Variants in ZMAT4 observed in about 807,000 individuals in gnomAD.
ZMAT4 encodes the protein zinc finger matrin-type 4.
ZMAT4 carries 17 observed loss-of-function variants against 28.7 expected under a neutral mutation model. That is an observed-to-expected ratio of 0.59 (90% confidence interval 0.41 to 0.89). ZMAT4 has a LOEUF of 0.89. Among genes scored for constraint, ZMAT4 ranks in the 40% least tolerant of loss-of-function variants. The pLI is 0.00. For synonymous variants in ZMAT4, 117 were observed against 109.2 expected, an observed-to-expected ratio of 1.07 and a Z score of -0.44; for missense variants, 240 against 283.8, an observed-to-expected ratio of 0.85 and a Z score of 1.11.
At chr8:40,770,630 C>A (rs571573727) in intron 2 of ZMAT4, among the ~76,000 whole-genome samples, 2 of 149,316 alleles carry the variant, frequency 1.3e-5, no homozygotes, top group Non-Finnish European at 3.0e-5. Flanking sequence ...TCACTGCAAC[C>A]TCCACCTCCC....
At chr8:40,579,065 A>G (rs1332752663) in intron 6 of ZMAT4, among the ~76,000 whole-genome samples, 1 of 152,198 alleles carries the variant, frequency 6.6e-6, no homozygotes, top group Non-Finnish European at 1.5e-5. Context: ...CAATAATATT[A>G]ATATTTATCT....
chr8:40,738,471 G>A (rs1189726054), intron 3 of ZMAT4, among the ~76,000 whole-genome samples: 1 of 152,182 alleles, frequency 6.6e-6, no homozygotes, highest in Non-Finnish European at 1.5e-5. Flanking sequence ...ACAGCTTACA[G>A]CAAAAGGAGA....
At chr8:40,581,449 T>A (rs1224452701) in intron 5 of ZMAT4, among the ~76,000 whole-genome samples, 188 bp from the exon 6 acceptor site, 4 of 152,208 alleles carry the variant, frequency 2.6e-5, no homozygotes, top group Admixed American at 2.6e-4. Flanking sequence ...TATGAATATG[T>A]TAGAAGCAGC....
chr8:40,852,088 G>A (rs1208835920), intron 1 of ZMAT4, among the ~76,000 whole-genome samples: 4 of 151,970 alleles, frequency 2.6e-5, no homozygotes, highest in African/African-American at 9.7e-5. Context: ...GTTTCATCAT[G>A]TTGGCCAGGC....
In ZMAT4 at chr8:40,674,914, G is replaced by A. The variant is rs772654992; in HGVS notation, c.367C>T (p.Leu123Phe). ...GCAGTGTCCATCCGTGGGGGCTTAA[G>A]TGGGCTCAGGGGTGTTGCTGTGAAA... is the stretch of plus-strand genomic sequence containing the variant. ...LKTTATPLSP[L>F]KPPRMDTAPV... is the part of the protein sequence containing the mutation. The change falls in exon 5 of 7, where the codon CTT becomes TTT. Residue 123 changes from leucine to phenylalanine, a missense_variant. Coordinates refer to ENST00000297737, the MANE Select transcript of ZMAT4 (RefSeq NM_024645.3). 2 of 1,613,012 alleles carry A rather than the reference G, an allele frequency of 1.2e-6. No individual in the cohort carries two copies. Among genetic ancestry groups the A allele is most frequent in the African/African-American group, 2.7e-5 (2 of 74,994 alleles).
At chr8:40,673,541 C>A (rs991552792) in intron 5 of ZMAT4, among the ~76,000 whole-genome samples, 1 of 152,074 alleles carries the variant, frequency 6.6e-6, no homozygotes, top group African/African-American at 2.4e-5. Flanking sequence ...AAACTTACAC[C>A]AAATCTGAAG....
At chr8:40,695,076 A>C (rs565806249) in intron 4 of ZMAT4, among the ~76,000 whole-genome samples, 24 of 152,166 alleles carry the variant, frequency 1.6e-4, no homozygotes, top group Non-Finnish European at 3.1e-4. Context: ...TTGTGCAATC[A>C]TATTTCTACA....
chr8:40,578,688 G>A (rs1804351089), intron 6 of ZMAT4, among the ~76,000 whole-genome samples: 1 of 152,104 alleles, frequency 6.6e-6, no homozygotes, highest in Non-Finnish European at 1.5e-5. Context: ...GATAAAACAG[G>A]CATGTGAAAC....
chr8:40,806,393 G>A (rs1286068356), intron 2 of ZMAT4, among the ~76,000 whole-genome samples: 1 of 152,140 alleles, frequency 6.6e-6, no homozygotes, highest in East Asian at 1.9e-4. Flanking sequence ...AGCTCCTCAT[G>A]ATCACACATA....
intron 6 of ZMAT4, among the ~76,000 whole-genome samples, chr8:40,549,388 C>T (rs1248282613): frequency 1.3e-5 from 2 of 152,154 alleles, no homozygotes; most frequent in African/African-American, 4.8e-5. Context: ...CTTACAACTC[C>T]CAAGTTTGCA....
intron 6 of ZMAT4, among the ~76,000 whole-genome samples, chr8:40,549,398 A>T (rs549234209): frequency 2.2e-4 from 33 of 152,306 alleles, no homozygotes; most frequent in African/African-American, 5.8e-4. Flanking sequence ...CCAAGTTTGC[A>T]TTTCAAGCCT....
At chr8:40,541,652 A>G (rs28631682) in intron 6 of ZMAT4, among the ~76,000 whole-genome samples, 1,915 of 152,274 alleles carry the variant, frequency 0.013, 43 homozygotes, top group African/African-American at 0.041. Context: ...GTGTCACTGA[A>G]AGTGTCTGAA....
intron 6 of ZMAT4, among the ~76,000 whole-genome samples, chr8:40,556,265 C>A (rs1048745497): frequency 1.3e-5 from 2 of 152,302 alleles, no homozygotes; most frequent in African/African-American, 4.8e-5. Flanking sequence ...CTTCTCCCAA[C>A]ACTCTTGTTC....
rs1554523987 is a variant in ZMAT4, at chr8:40,589,731, C to CCTTTTTTCTTT, written c.578-8471_578-8470insAAAGAAAAAAG. Among the ~76,000 whole-genome samples, 810 of 139,378 alleles carry CCTTTTTTCTTT rather than the reference C, an allele frequency of 5.8e-3. 10 individuals carry two copies. The highest frequency in any genetic ancestry group is 0.02 in the African/African-American group (737 of 37,336). The allele number at this position is 139,378 out of a possible 152,430, so 91.4% of individuals were successfully genotyped here. A position where few individuals can be genotyped will look rare whatever the true frequency, so the allele number is the denominator to read the frequency against. ...CTTCTTCCTTCTTCCTTCTTCCTTT[C>CCTTTTTTCTTT]CTTTCTTTCTTTCTTTCTTTCTTTC... On this transcript the variant is annotated intron_variant, in intron 5 of 6. Transcript: ENST00000297737.
intron 2 of ZMAT4, among the ~76,000 whole-genome samples, chr8:40,820,954 T>A (rs893228193): frequency 6.6e-6 from 1 of 150,600 alleles, no homozygotes; most frequent in African/African-American, 2.5e-5. Context: ...TATATGTGTG[T>A]GTCTGTGTGT....
At chr8:40,586,241 G>T (rs2589867) in intron 5 of ZMAT4, among the ~76,000 whole-genome samples, 101,951 of 152,024 alleles carry the variant, frequency 0.67, 34,378 homozygotes, top group African/African-American at 0.73. Flanking sequence ...CTTTTCCTTA[G>T]AGAACCAGAA....
rs375308693 is a variant in ZMAT4 at position 40,601,371 on chromosome 8, A to T, written c.578-20110T>A. Among the ~76,000 whole-genome samples the T allele has an allele frequency of 4.1e-5, 6 of 147,910 alleles. No homozygotes were observed. In the South Asian group the frequency reaches 6.6e-4, roughly 16 times the overall value. On this transcript the variant is annotated intron_variant, in intron 5 of 6. Transcript: ENST00000297737. ...TCAAAGTTCACAGGTAAAGAGGCTG[A>T]TAGCCAAAAGAAGGAAGGAAGGAAG...
intron 4 of ZMAT4, among the ~76,000 whole-genome samples, chr8:40,693,794 G>A (rs1391205069): frequency 2.0e-5 from 3 of 152,188 alleles, no homozygotes; most frequent in African/African-American, 7.2e-5. Flanking sequence ...TGGAGAAGGC[G>A]ACTCAAGTTG....
intron 3 of ZMAT4, among the ~76,000 whole-genome samples, chr8:40,700,340 G>A (rs577104551): frequency 5.4e-5 from 8 of 149,014 alleles, no homozygotes; most frequent in African/African-American, 1.5e-4. Flanking sequence ...GAATCACTTC[G>A]TGTCTAATTC....
Sources: gnomAD v4.1 joint callset for allele counts (sites outside exome capture counted in the v4.1 genomes callset) on GRCh38, gnomAD v4.1.1 for gene constraint, MANE v1.5 for transcripts, NCBI Gene and HGNC (gene_info 2026-07-23, HGNC 2026-07-21) for gene names.